DDX10: variants seen among roughly 807,000 people sequenced by gnomAD.
DDX10 encodes DEAD-box helicase 10, also known as probable ATP-dependent RNA helicase DDX10.
DDX10 carries 74 observed loss-of-function variants against 104.3 expected under a neutral mutation model. That is an observed-to-expected ratio of 0.71 (90% CI 0.59 to 0.86). DDX10 has a LOEUF of 0.86. Among genes scored for constraint, DDX10 ranks in the 40% least tolerant of loss-of-function variants. The pLI is 0.00. For missense variants in DDX10, 952 were observed against 1,040.0 expected (o/e 0.92, Z 1.16); for synonymous variants, 351 against 353.4 (o/e 0.99, Z 0.08).
intron 13 of DDX10, among the ~76,000 whole-genome samples, chr11:108,786,825 G>C (rs1040686357): frequency 2.0e-5 from 3 of 152,214 alleles, no homozygotes; most frequent in East Asian, 1.9e-4. Context: ...TTTTAAGTGG[G>C]GAGATTTAGA....
At chr11:108,914,045 C>T (rs1307058638) in intron 16 of DDX10, among the ~76,000 whole-genome samples, 1 of 152,090 alleles carries the variant, frequency 6.6e-6, no homozygotes, top group Non-Finnish European at 1.5e-5. Flanking sequence ...TGGATGTTGT[C>T]AATTACAAGA....
intron 13 of DDX10, among the ~76,000 whole-genome samples, chr11:108,815,506 T>C (rs943384262): frequency 4.6e-5 from 7 of 152,330 alleles, no homozygotes; most frequent in African/African-American, 1.7e-4. Flanking sequence ...TTTGAAACAA[T>C]CTGTGTATAA....
chr11:108,716,874 T>C (rs546248782), intron 11 of DDX10, among the ~76,000 whole-genome samples: 2 of 152,234 alleles, frequency 1.3e-5, no homozygotes, highest in Non-Finnish European at 2.9e-5. Context: ...CTAACTAGCA[T>C]AGGTATTACC....
At chr11:108,747,273 A>G (rs1488437735) in intron 13 of DDX10, among the ~76,000 whole-genome samples, 2 of 152,100 alleles carry the variant, frequency 1.3e-5, no homozygotes, top group Admixed American at 6.6e-5. Context: ...TCAATATGTA[A>G]ATTAAGGATA....
chr11:108,886,089 T>C (rs1403048020), intron 16 of DDX10, among the ~76,000 whole-genome samples: 1 of 152,176 alleles, frequency 6.6e-6, no homozygotes, highest in Non-Finnish European at 1.5e-5. Context: ...AATTTACCCA[T>C]GTATAATACC....
At chr11:108,861,898 T>C (rs1862946102) in intron 16 of DDX10, among the ~76,000 whole-genome samples, 2 of 152,154 alleles carry the variant, frequency 1.3e-5, no homozygotes, top group Admixed American at 6.5e-5. Context: ...TTGCGGTGCA[T>C]GCCTGTAGTC....
At chr11:108,716,562 T>G (rs2094291744) in intron 11 of DDX10, among the ~76,000 whole-genome samples, 1 of 152,228 alleles carries the variant, frequency 6.6e-6, no homozygotes, top group African/African-American at 2.4e-5. Context: ...TAAGTTTTTA[T>G]TTCTTTTGTA....
At chr11:108,928,571 G>A (rs1305594624) in intron 17 of DDX10, among the ~76,000 whole-genome samples, 1 of 152,152 alleles carries the variant, frequency 6.6e-6, no homozygotes, top group African/African-American at 2.4e-5. Flanking sequence ...GGCTTTGTGG[G>A]GAAAACTGTG....
intron 17 of DDX10, among the ~76,000 whole-genome samples, chr11:108,926,576 T>C (rs891228165): frequency 2.6e-5 from 4 of 152,230 alleles, no homozygotes; most frequent in African/African-American, 9.6e-5. Context: ...GAAATTGTTT[T>C]TACAAATTTG....
At chr11:108,807,684 A>C (rs1259105730) in intron 13 of DDX10, among the ~76,000 whole-genome samples, 1 of 152,194 alleles carries the variant, frequency 6.6e-6, no homozygotes, top group Non-Finnish European at 1.5e-5. Context: ...CTAGGCCTCT[A>C]GGTGAAAATG....
chr11:108,674,780 C>T (rs886663082), intron 2 of DDX10, among the ~76,000 whole-genome samples: 1 of 152,170 alleles, frequency 6.6e-6, no homozygotes, highest in African/African-American at 2.4e-5. Flanking sequence ...TCCCAAAGTG[C>T]TGGGATTATA....
intron 13 of DDX10, among the ~76,000 whole-genome samples, chr11:108,760,978 C>T (rs2094350224): frequency 6.6e-6 from 1 of 151,894 alleles, no homozygotes; most frequent in Non-Finnish European, 1.5e-5. Context: ...CTAAGCACGC[C>T]TATTGGAATT....
intron 14 of DDX10, among the ~76,000 whole-genome samples, chr11:108,839,613 A>G (rs1406428646): frequency 6.6e-6 from 1 of 152,228 alleles, no homozygotes; most frequent in Non-Finnish European, 1.5e-5. Flanking sequence ...CTGCTTAAGC[A>G]GCCTCTCCAG....
rs1862769152 is a variant in DDX10 at position 108,849,945 on chromosome 11, TA to T, written c.2248-2206del. Reference sequence around the variant, plus strand: ...TCCCACAAAGAATATATTCATTTTCTAACTTTTGAATTATGATAAATCTACT... The same window carrying T: ...TCCCACAAAGAATATATTCATTTTCTACTTTTGAATTATGATAAATCTACT... On this transcript the variant is annotated intron_variant, in intron 15 of 17. Transcript: ENST00000322536. 2.6e-5 allele frequency among the ~76,000 whole-genome samples: 4 copies of T among 152,164 alleles called. No homozygotes were observed. In the South Asian group the frequency reaches 8.3e-4, roughly 31 times the overall value.
At chr11:108,874,712 C>T (rs1006290219) in intron 16 of DDX10, among the ~76,000 whole-genome samples, 1 of 152,082 alleles carries the variant, frequency 6.6e-6, no homozygotes, top group African/African-American at 2.4e-5. Flanking sequence ...ATAGTTGTAT[C>T]TCTTTAGTAG....
intron 13 of DDX10, among the ~76,000 whole-genome samples, chr11:108,811,622 T>C (rs1056092015): frequency 6.6e-6 from 1 of 152,228 alleles, no homozygotes; most frequent in Non-Finnish European, 1.5e-5. Flanking sequence ...ATCAGAAAAC[T>C]TGTTGAACAT....
intron 13 of DDX10, among the ~76,000 whole-genome samples, chr11:108,819,445 C>G (rs1862296377): frequency 6.6e-6 from 1 of 152,028 alleles, no homozygotes; most frequent in Admixed American, 6.6e-5. Context: ...TTGGAAATGA[C>G]ACATTTTTTC....
At chr11:108,828,668 A>C (rs1383509627) in intron 13 of DDX10, among the ~76,000 whole-genome samples, 1 of 152,220 alleles carries the variant, frequency 6.6e-6, no homozygotes, top group African/African-American at 2.4e-5. Context: ...TCCGTCGCCC[A>C]GGCTGGAGTG....
At chr11:108,879,669 T>G (rs1298698873) in intron 16 of DDX10, among the ~76,000 whole-genome samples, 1 of 152,188 alleles carries the variant, frequency 6.6e-6, no homozygotes, top group African/African-American at 2.4e-5. Context: ...CTTCAATAAG[T>G]AACCTTGGCC....
Sources: allele counts gnomAD v4.1 joint callset (sites outside exome capture counted in the v4.1 genomes callset), GRCh38; gene constraint gnomAD v4.1.1; transcripts MANE v1.5; gene names NCBI Gene and HGNC (gene_info 2026-07-23, HGNC 2026-07-21).